KMT2E: variants seen among roughly 807,000 people sequenced by gnomAD.
The protein encoded by KMT2E is histone reader KMT2E.
A neutral mutation model predicts 184.6 loss-of-function variants in KMT2E; 30 were observed. The ratio of observed to expected loss-of-function variants is 0.16; its 90% CI spans 0.12 to 0.22. KMT2E has a LOEUF of 0.22. Ranked by LOEUF, KMT2E falls within the 10% of genes least tolerant of loss-of-function variation. The probability of loss-of-function intolerance (pLI) is 1.00; values close to 1 mark genes in which losing one functional copy is unlikely to be tolerated. For synonymous variants in KMT2E, 815 were observed against 776.5 expected (o/e 1.05, Z -0.82); for missense variants, 2,023 against 2,237.4 (o/e 0.90, Z 1.93).
At chr7:105,080,746 C>T (rs563079371) in intron 12 of KMT2E, among the ~76,000 whole-genome samples, 2 of 152,316 alleles carry the variant, frequency 1.3e-5, no homozygotes, top group South Asian at 4.1e-4. Flanking sequence ...CACAGTGGCT[C>T]ACACCTGTAA....
At chr7:105,063,018 A>G (rs1039361937) in intron 4 of KMT2E, among the ~76,000 whole-genome samples, 13 of 146,294 alleles carry the variant, frequency 8.9e-5, no homozygotes, top group African/African-American at 3.3e-4. Context: ...TTTTTTTAAC[A>G]CTTCTATTCT....
chr7:105,110,215 T>G (rs139437507), intron 23 of KMT2E, 65 bp from the exon 24 acceptor site: 1 of 1,261,962 alleles, frequency 7.9e-7, no homozygotes, highest in Non-Finnish European at 1.2e-6. Context: ...ATGTTGACTA[T>G]GAAGCAACAA....
intron 5 of KMT2E, among the ~76,000 whole-genome samples, chr7:105,064,481 T>C (rs949582859): frequency 1.5e-4 from 23 of 152,084 alleles, no homozygotes; most frequent in Non-Finnish European, 2.2e-4. Context: ...ATTATCCCCA[T>C]CTATTAGATT....
intron 4 of KMT2E, among the ~76,000 whole-genome samples, chr7:105,062,691 T>G (rs1179194749): frequency 6.6e-6 from 1 of 152,014 alleles, no homozygotes; most frequent in South Asian, 2.1e-4. Flanking sequence ...CAGACATATA[T>G]TATTTAATCA....
chr7:105,093,104 AG>A (rs1798272982), intron 15 of KMT2E, among the ~76,000 whole-genome samples: 1 of 152,238 alleles, frequency 6.6e-6, no homozygotes, highest in African/African-American at 2.4e-5. Flanking sequence ...CTGAAGCGGG[AG>A]GATCACTTGA....
chr7:105,041,554 C>G (rs1458427909), intron 3 of KMT2E, among the ~76,000 whole-genome samples: 1 of 152,102 alleles, frequency 6.6e-6, no homozygotes, highest in Non-Finnish European at 1.5e-5. Context: ...GCGTGTGTCA[C>G]CACGCCCAGC....
At chr7:105,107,334 G>A (rs919398666) in intron 21 of KMT2E, 28 bp from the exon 22 acceptor site, 1 of 1,518,810 alleles carries the variant, frequency 6.6e-7, no homozygotes, top group South Asian at 1.2e-5. Context: ...GATTATTTGT[G>A]TAATTTTTTT....
intron 2 of KMT2E, among the ~76,000 whole-genome samples, chr7:105,038,984 T>C (rs71562636): frequency 0.053 from 7,998 of 152,246 alleles, 311 homozygotes; most frequent in Non-Finnish European, 0.076. Context: ...ATGATGTATC[T>C]TTGTCCTGAG....
In KMT2E at chr7:105,091,207, A is replaced by G. The variant is rs1798190700; in HGVS notation, c.1624-9A>G. 7.5e-7 allele frequency: 1 copy of G among 1,340,960 alleles called. No homozygotes were observed. The highest frequency in any genetic ancestry group is 1.1e-6 in the Non-Finnish European group (1 of 937,104). The allele number at this position is 1,340,960 out of a possible 1,614,324, so 83.1% of individuals were successfully genotyped here. On this transcript the variant is annotated splice_polypyrimidine_tract_variant and intron_variant, in intron 14 of 26. Transcript: ENST00000311117. ...TAGTTTGTATAAAGAAGTCATTTCC[A>G]TTTTTCAGGAACCAGATTTTATTGA...
In KMT2E at chr7:105,113,252, A is replaced by G; in HGVS notation, c.5496A>G (p.Pro1832=). The G allele has an allele frequency of 6.2e-7, 1 of 1,614,184 alleles. No homozygotes were observed. Among genetic ancestry groups the G allele is most frequent in the Non-Finnish European group, 8.5e-7 (1 of 1,180,024 alleles). Residue 1832 remains proline (P), a synonymous_variant, in exon 27 of 27, where the codon CCA becomes CCG. Transcript: ENST00000311117. ...TTCAAGGACCTCAGCAGGCATCTCC[A>G]GTGCCTGGACAGATTCCAATTCACA... ...HGVQGPQQAS[P]VPGQIPIHRA... is the part of the protein sequence containing the mutation.
Position 105,107,624 on chromosome 7 carries a change from C to T in KMT2E, c.3167C>T (p.Thr1056Ile). The change falls in exon 22 of 27, where the codon ACT (threonine) becomes ATT (isoleucine). Residue 1056 changes from threonine to isoleucine, a missense_variant. By Grantham distance (89) the Thr-to-Ile change is moderately conservative. Around this residue, in one of 8 missense-constraint regions of KMT2E, gnomAD observed 1,108 missense variants for 1,050.9 expected, o/e 1.05. Coordinates refer to ENST00000311117, the MANE Select transcript of KMT2E (RefSeq NM_182931.3). ...GAGCCCAACAGCCAACTGGACTCGACTCACTCTGGACGGGGCACAATGTAT... is the reference window on the plus strand; with the variant it reads ...GAGCCCAACAGCCAACTGGACTCGATTCACTCTGGACGGGGCACAATGTAT... ...RAEPNSQLDS[T>I]HSGRGTMYSS... 6.2e-7 allele frequency: 1 copy of T among 1,614,156 alleles called. No homozygotes were observed. The highest frequency in any genetic ancestry group is 1.1e-5 in the South Asian group (1 of 91,082).
intron 6 of KMT2E, among the ~76,000 whole-genome samples, chr7:105,072,210 TG>T (rs1279320745): frequency 6.6e-6 from 1 of 151,850 alleles, no homozygotes; most frequent in African/African-American, 2.4e-5. Context: ...CCCAGCTACT[TG>T]GGAGGCTTAG....
intron 16 of KMT2E, 83 bp downstream of exon 16, chr7:105,101,672 TTAAAA>T (rs933009088): frequency 1.7e-6 from 2 of 1,200,504 alleles, no homozygotes; most frequent in Non-Finnish European, 2.2e-6. Flanking sequence ...TATAAGGAAT[TTAAAA>T]TAATGTCTAT....
Position 105,106,596 on chromosome 7 carries a change from A to G in KMT2E, c.2671A>G (p.Thr891Ala), listed in dbSNP as rs747047836. 1 of 1,613,162 alleles carries G rather than the reference A, an allele frequency of 6.2e-7. No individual in the cohort carries two copies. Among genetic ancestry groups the G allele is most frequent in the Admixed American group, 1.7e-5 (1 of 59,920 alleles). ...GGTTTACTCAGAAACCTCCACACCT[A>G]CTCCTTCCCCGTATGCTACACCAAC... ...DSVYSETSTP[T>A]PSPYATPTHT... The change falls in exon 20 of 27, where the codon ACT becomes GCT. Residue 891 changes from threonine to alanine, a missense_variant. This residue lies in a region of KMT2E where 514 missense variants were observed against 621.8 expected (regional missense o/e 0.83). Transcript: ENST00000311117.
At chr7:105,071,955 T>C (rs1797339533) in intron 6 of KMT2E, among the ~76,000 whole-genome samples, 1 of 152,100 alleles carries the variant, frequency 6.6e-6, no homozygotes, top group Non-Finnish European at 1.5e-5. Context: ...AGTAGTCTTT[T>C]GCCAGATAAT....
intron 8 of KMT2E, 78 bp from the exon 9 acceptor site, chr7:105,075,965 C>T: frequency 8.6e-7 from 1 of 1,165,682 alleles, no homozygotes; most frequent in Non-Finnish European, 1.3e-6. Flanking sequence ...TTAAAAGTTT[C>T]AATGAACCAA....
rs1384368142 is a variant in KMT2E at position 105,014,356 on chromosome 7, T to A, written c.-368T>A. On this transcript the variant is annotated 5_prime_UTR_variant, in exon 1 of 27. Transcript: ENST00000311117. The stretch of plus-strand genomic sequence containing the variant: ...TTGACTGCCTGGCTGCCCCCTCCCC[T>A]ACTCCTCGGTTCCTGGTGAAGAGGC... 6.5e-6 allele frequency: 1 copy of A among 154,868 alleles called. No individual in the cohort carries two copies. Among genetic ancestry groups the A allele is most frequent in the Non-Finnish European group, 1.4e-5 (1 of 69,752 alleles). 9.6% of individuals were successfully genotyped at this position (154,868 alleles called of 1,614,324 possible). A position where few individuals can be genotyped will look rare whatever the true frequency, so the allele number is the denominator to read the frequency against.
rs148746886 is a variant in KMT2E, at chr7:105,042,876, A to G, written c.71+1853A>G. Among the ~76,000 whole-genome samples, 457 of 152,356 alleles carry G rather than the reference A, an allele frequency of 3.0e-3. 15 individuals are homozygous for G. In the East Asian group the frequency reaches 0.062, roughly 21 times the overall value. On this transcript the variant is annotated intron_variant, in intron 3 of 26. Transcript: ENST00000311117. ...ATTTTTTACACCTATTAATATAACA[A>G]TTAGTATAACCTATTCATGTTATGC...
At chr7:105,093,613 G>C (rs1400201543) in intron 15 of KMT2E, among the ~76,000 whole-genome samples, 2 of 152,136 alleles carry the variant, frequency 1.3e-5, no homozygotes, top group African/African-American at 2.4e-5. Context: ...GAACCTGGGA[G>C]GCGGAGGTTG....
Sources: allele counts gnomAD v4.1 joint callset (sites outside exome capture counted in the v4.1 genomes callset), GRCh38; gene constraint gnomAD v4.1.1; regional missense constraint gnomAD v4.1.1; transcripts MANE v1.5; gene names NCBI Gene and HGNC (gene_info 2026-07-23, HGNC 2026-07-21).